KCNN2: variants seen among roughly 807,000 people sequenced by gnomAD.
KCNN2 encodes small conductance calcium-activated potassium channel protein 2.
A neutral mutation model predicts 55.5 loss-of-function variants in KCNN2; 24 were observed. The observed-to-expected ratio is 0.43, with a 90% CI of 0.31 to 0.61. The LOEUF (loss-of-function observed/expected upper bound fraction) is 0.61. Ranked by LOEUF, KCNN2 falls within the 20% of genes least tolerant of loss-of-function variation. KCNN2 has a pLI of 0.08. For synonymous variants in KCNN2, 431 were observed against 336.1 expected (o/e 1.28, Z -3.09); for missense variants, 754 against 853.6 (o/e 0.88, Z 1.45).
intron 1 of KCNN2, among the ~76,000 whole-genome samples, chr5:114,177,901 A>G (rs1326141451): frequency 2.6e-5 from 4 of 152,198 alleles, no homozygotes; most frequent in Non-Finnish European, 5.9e-5. Flanking sequence ...AAAAATAAAA[A>G]TAGATTTGAG....
chr5:114,164,045 G>C (rs1012429174), intron 1 of KCNN2, among the ~76,000 whole-genome samples: 2 of 152,074 alleles, frequency 1.3e-5, no homozygotes, highest in East Asian at 1.9e-4. Flanking sequence ...GAACCTGATT[G>C]TCAATATGAG....
chr5:114,187,953 T>G (rs1366169782), intron 1 of KCNN2, among the ~76,000 whole-genome samples: 2 of 152,092 alleles, frequency 1.3e-5, no homozygotes, highest in Admixed American at 6.5e-5. Flanking sequence ...TAGCTGGGAT[T>G]ACAGGTACTC....
chr5:114,455,473 A>C (rs955418200), intron 3 of KCNN2, among the ~76,000 whole-genome samples: 1 of 152,176 alleles, frequency 6.6e-6, no homozygotes, highest in African/African-American at 2.4e-5. Flanking sequence ...TCTCACTTTT[A>C]TCTGGCTTTC....
chr5:114,148,355 C>T (rs542404439), intron 1 of KCNN2, among the ~76,000 whole-genome samples: 67 of 151,576 alleles, frequency 4.4e-4, no homozygotes, highest in African/African-American at 1.6e-3. Flanking sequence ...GTGCAACAAA[C>T]ACAGACGAGT....
chr5:114,461,843 GACAC>G (rs1371474668), intron 3 of KCNN2, among the ~76,000 whole-genome samples: 1 of 152,238 alleles, frequency 6.6e-6, no homozygotes, highest in South Asian at 2.1e-4. Context: ...TGGCAGCACA[GACAC>G]AGATGGGGAA....
At chr5:114,124,362 G>C (rs1215689825) in intron 1 of KCNN2, among the ~76,000 whole-genome samples, 1 of 152,158 alleles carries the variant, frequency 6.6e-6, no homozygotes, top group Non-Finnish European at 1.5e-5. Context: ...AAATGCCATG[G>C]ATGTTTGCAA....
intron 1 of KCNN2, among the ~76,000 whole-genome samples, chr5:114,111,692 G>C (rs1054659030): frequency 6.6e-6 from 1 of 152,170 alleles, no homozygotes; most frequent in Non-Finnish European, 1.5e-5. Flanking sequence ...CTTTTCAAAA[G>C]AAGATATTTA....
At chr5:114,081,642 G>T (rs2112541299) in intron 1 of KCNN2, among the ~76,000 whole-genome samples, 1 of 152,224 alleles carries the variant, frequency 6.6e-6, no homozygotes, top group South Asian at 2.1e-4. Context: ...ATGAATCAAA[G>T]ACCTAAATGT....
intron 3 of KCNN2, among the ~76,000 whole-genome samples, chr5:114,459,142 AAC>A (rs1276649691): frequency 6.6e-6 from 1 of 152,202 alleles, no homozygotes; most frequent in Non-Finnish European, 1.5e-5. Context: ...TAAGAAAAGG[AAC>A]AGTTTGCTTC....
chr5:114,153,848 CTG>C (rs1384253277), intron 1 of KCNN2, among the ~76,000 whole-genome samples: 1 of 152,178 alleles, frequency 6.6e-6, no homozygotes, highest in Non-Finnish European at 1.5e-5. Context: ...AGTGAGGAGA[CTG>C]TGGTCAAATG....
chr5:114,425,018 TCA>T (rs1759578409), intron 3 of KCNN2, among the ~76,000 whole-genome samples: 1 of 152,102 alleles, frequency 6.6e-6, no homozygotes, highest in Non-Finnish European at 1.5e-5. Context: ...AAGGCTCAAG[TCA>T]CAGAAAGGGA....
chr5:114,359,866 C>CT (rs1189662109), upstream of KCNN2, among the ~76,000 whole-genome samples: 1 of 152,140 alleles, frequency 6.6e-6, no homozygotes, highest in African/African-American at 2.4e-5. Flanking sequence ...AGGTTAGTAA[C>CT]TTTTCATAGG....
At chr5:114,226,057 T>C (rs189343333) in intron 2 of KCNN2, among the ~76,000 whole-genome samples, 2 of 152,084 alleles carry the variant, frequency 1.3e-5, no homozygotes, top group Admixed American at 1.3e-4. Flanking sequence ...AAACAGTGAG[T>C]CAGGGATTAG....
At chr5:114,202,583 A>T (rs201911680) in intron 1 of KCNN2, among the ~76,000 whole-genome samples, 11,352 of 54,518 alleles carry the variant, frequency 0.21, 866 homozygotes, top group East Asian at 0.54. Flanking sequence ...ATATATATAT[A>T]TATTTTTTTT....
At chr5:114,108,141 C>A (rs532424061) in intron 1 of KCNN2, among the ~76,000 whole-genome samples, 1 of 152,022 alleles carries the variant, frequency 6.6e-6, no homozygotes, top group Non-Finnish European at 1.5e-5. Flanking sequence ...TTGCATAGAA[C>A]TGGTTTTGGT....
At chr5:114,352,894 G>A (rs1379530171) in intron 2 of KCNN2, among the ~76,000 whole-genome samples, 1 of 151,858 alleles carries the variant, frequency 6.6e-6, no homozygotes, top group East Asian at 1.9e-4. Flanking sequence ...GTAAATGTCT[G>A]TGAGGTACAG....
In KCNN2 at chr5:114,111,546, C is replaced by T. The variant is rs573656994; in HGVS notation, c.-271+55046C>T. On this transcript the variant is annotated intron_variant, in intron 1 of 10. Coordinates refer to the KCNN2 transcript ENST00000512097. Reference sequence around the variant, plus strand: ...AACTATCATCAGAGTGAACAGGCAACCTACAGAATTGGAGAAAATTTTTGC... The same window carrying T: ...AACTATCATCAGAGTGAACAGGCAATCTACAGAATTGGAGAAAATTTTTGC... Among the ~76,000 whole-genome samples, 4 of 152,238 alleles carry T rather than the reference C, an allele frequency of 2.6e-5. No homozygotes were observed. The South Asian group carries it at 6.2e-4, about 24-fold the overall frequency.
intron 3 of KCNN2, among the ~76,000 whole-genome samples, chr5:114,417,036 G>A (rs1759327259): frequency 6.6e-6 from 1 of 152,192 alleles, no homozygotes; most frequent in Non-Finnish European, 1.5e-5. Context: ...CATATGTGGA[G>A]AATCATCCTA....
chr5:114,066,348 T>G (rs1418013514), intron 1 of KCNN2, among the ~76,000 whole-genome samples: 2 of 152,222 alleles, frequency 1.3e-5, no homozygotes, highest in Non-Finnish European at 2.9e-5. Flanking sequence ...CCTCTTGGCA[T>G]AGTTTTACTT....
Sources: gnomAD v4.1 joint callset for allele counts (sites outside exome capture counted in the v4.1 genomes callset) on GRCh38, gnomAD v4.1.1 for gene constraint, MANE v1.5 for transcripts, NCBI Gene and HGNC (gene_info 2026-07-23, HGNC 2026-07-21) for gene names.